The following KALRN variants were observed in gnomAD, a reference collection of about 807,000 sequenced individuals.
KALRN encodes kalirin.
Under a neutral mutation model 353.7 loss-of-function variants are expected in KALRN, and 70 were observed. That is an observed-to-expected ratio of 0.20 (90% CI 0.16 to 0.24). The LOEUF is 0.24. Ranked by LOEUF, KALRN falls within the 10% of genes least tolerant of loss-of-function variation. The pLI, the probability that KALRN is intolerant of heterozygous loss-of-function variation, is 1.00. For missense variants in KALRN, 2,791 were observed against 3,756.7 expected (o/e 0.74, Z 6.72); for synonymous variants, 1,391 against 1,434.8 (o/e 0.97, Z 0.69).
chr3:124,113,555 G>GCC (rs745334233), intron 1 of KALRN, among the ~76,000 whole-genome samples: 2 of 152,218 alleles, frequency 1.3e-5, no homozygotes, highest in Non-Finnish European at 2.9e-5. Context: ...GGCCCTGGGG[G>GCC]AAACTTCAGC....
Position 124,697,863 on chromosome 3 carries a change from T to C in KALRN, c.7831+139T>C. 4 of 853,526 alleles carry C rather than the reference T, an allele frequency of 4.7e-6. No homozygotes were observed. In the South Asian group the frequency reaches 6.4e-5, roughly 14 times the overall value. The allele number at this position is 853,526 out of a possible 1,614,324, so 52.9% of individuals were successfully genotyped here. A position where few individuals can be genotyped will look rare whatever the true frequency, so the allele number is the denominator to read the frequency against. On this transcript the variant is annotated intron_variant, in intron 55 of 59. Coordinates refer to ENST00000682506, the MANE Select transcript of KALRN (RefSeq NM_001388419.1). ...TTTGAATAGAGACAGGCTATTGCTATATTGCCCAGGCTGGTCTCAAACGCC... is the reference window on the plus strand; with the variant it reads ...TTTGAATAGAGACAGGCTATTGCTACATTGCCCAGGCTGGTCTCAAACGCC...
In KALRN at chr3:124,585,094, G is replaced by C. The variant is rs1295305133; in HGVS notation, c.5182+22005G>C. The stretch of plus-strand genomic sequence containing the variant: ...TTTCACAGTTTCCCAGACAGAACGC[G>C]CGCGCTCGCTGGCTGGCGGTGAGGT... On this transcript the variant is annotated intron_variant, in intron 34 of 59. Coordinates refer to ENST00000682506, the MANE Select transcript of KALRN (RefSeq NM_001388419.1). Among the ~76,000 whole-genome samples the C allele has an allele frequency of 3.3e-5, 5 of 152,336 alleles. No homozygotes were observed. In the East Asian group the frequency reaches 9.7e-4, roughly 30 times the overall value.
intron 10 of KALRN, among the ~76,000 whole-genome samples, chr3:124,348,075 A>T (rs1182632359): frequency 6.6e-6 from 1 of 152,088 alleles, no homozygotes. Flanking sequence ...GAAAATTTTC[A>T]TTTTCGAGAT....
chr3:124,648,990 T>C (rs1296172665), intron 37 of KALRN, among the ~76,000 whole-genome samples: 1 of 152,248 alleles, frequency 6.6e-6, no homozygotes, highest in Non-Finnish European at 1.5e-5. Context: ...GATTACTTGT[T>C]CTGTGAATAC....
intron 6 of KALRN, among the ~76,000 whole-genome samples, chr3:124,318,459 C>T (rs1376767887): frequency 3.9e-5 from 6 of 152,062 alleles, no homozygotes; most frequent in East Asian, 3.9e-4. Context: ...CCATATGTTT[C>T]GAGGTGGGAT....
At chr3:124,177,527 A>G (rs1036406019) in intron 1 of KALRN, among the ~76,000 whole-genome samples, 1 of 152,206 alleles carries the variant, frequency 6.6e-6, no homozygotes. Context: ...GCCCTGCAGT[A>G]GTAGTTGGTG....
At chr3:124,264,368 A>G in intron 3 of KALRN, 130 bp from the exon 4 acceptor site, 2 of 729,194 alleles carry the variant, frequency 2.7e-6, no homozygotes, top group Admixed American at 2.8e-5. Flanking sequence ...AAGGTGGCCA[A>G]GAGACCTGGC....
chr3:124,573,430 G>T (rs569984716), intron 34 of KALRN, among the ~76,000 whole-genome samples: 6 of 152,176 alleles, frequency 3.9e-5, no homozygotes, highest in African/African-American at 1.4e-4. Flanking sequence ...TGAGTACAGG[G>T]TGTTTCCAGC....
intron 10 of KALRN, among the ~76,000 whole-genome samples, chr3:124,368,249 C>A (rs1310989708): frequency 2.0e-5 from 3 of 146,860 alleles, no homozygotes; most frequent in Admixed American, 6.6e-5. Flanking sequence ...GCTGACCCCC[C>A]CACCTCCCTC....
chr3:124,546,277 G>A (rs1477303889), intron 33 of KALRN, among the ~76,000 whole-genome samples: 1 of 127,312 alleles, frequency 7.9e-6, no homozygotes, highest in Non-Finnish European at 1.6e-5. Context: ...AACATAGTGA[G>A]ACCCCCATCT....
chr3:124,084,312 T>A (rs1022346813), intron 1 of KALRN, among the ~76,000 whole-genome samples: 1 of 152,194 alleles, frequency 6.6e-6, no homozygotes, highest in Non-Finnish European at 1.5e-5. Context: ...GTGCAGCCCC[T>A]CCCTGTGACA....
rs1486661865 is a variant in KALRN at position 124,269,197 on chromosome 3, G to A, written c.911G>A (p.Arg304His). Residue 304 changes from arginine to histidine, a missense_variant, in exon 5 of 60, where the codon CGC (arginine) becomes CAC (histidine). This residue lies in a region of KALRN where 366 missense variants were observed against 489.2 expected (regional missense o/e 0.75). Coordinates refer to ENST00000682506, the MANE Select transcript of KALRN (RefSeq NM_001388419.1). ...CACCTGCACCAGATGTGGCATGTGC[G>A]CAAGCTCAAGCTGGACCAGTGCTTT... ...RQHLHQMWHV[R>H]KLKLDQCFQL... The A allele has an allele frequency of 2.5e-6, 4 of 1,610,560 alleles. No individual in the cohort carries two copies. Among genetic ancestry groups the A allele is most frequent in the African/African-American group, 2.7e-5 (2 of 74,860 alleles).
intron 1 of KALRN, among the ~76,000 whole-genome samples, chr3:124,209,465 G>C (rs1480822538): frequency 7.1e-6 from 1 of 141,392 alleles, no homozygotes; most frequent in Non-Finnish European, 1.5e-5. Context: ...CTCTAGCCTG[G>C]GCAACAGAGC....
At chr3:124,304,984 C>G (rs978079198) in intron 6 of KALRN, among the ~76,000 whole-genome samples, 3 of 152,142 alleles carry the variant, frequency 2.0e-5, no homozygotes, top group Non-Finnish European at 4.4e-5. Context: ...GCCCCAATCA[C>G]CCTTAGGCAG....
intron 5 of KALRN, among the ~76,000 whole-genome samples, chr3:124,271,120 C>T (rs1191171794): frequency 2.6e-5 from 4 of 152,150 alleles, no homozygotes; most frequent in African/African-American, 7.2e-5. Flanking sequence ...CGTGAGCCAC[C>T]GTGCCCGGCC....
intron 33 of KALRN, among the ~76,000 whole-genome samples, chr3:124,515,111 A>C (rs1314844305): frequency 2.6e-5 from 4 of 152,210 alleles, no homozygotes; most frequent in Admixed American, 6.6e-5. Flanking sequence ...TGGAACGAGA[A>C]AAGGTATAAT....
At chr3:124,286,936 T>G (rs1246562245) in intron 5 of KALRN, among the ~76,000 whole-genome samples, 1 of 152,226 alleles carries the variant, frequency 6.6e-6, no homozygotes, top group Non-Finnish European at 1.5e-5. Context: ...AGGCTCTTGA[T>G]AGTTTATCTT....
chr3:124,125,601 A>T (rs1173600485), intron 1 of KALRN, among the ~76,000 whole-genome samples: 1 of 152,182 alleles, frequency 6.6e-6, no homozygotes, highest in East Asian at 1.9e-4. Flanking sequence ...ACTCTTCCTT[A>T]TTCCTGGACA....
chr3:124,224,375 TAA>T (rs60963834), intron 1 of KALRN, among the ~76,000 whole-genome samples: 8 of 139,698 alleles, frequency 5.7e-5, no homozygotes, highest in African/African-American at 1.6e-4. Flanking sequence ...GCTGAAGAGC[TAA>T]AAAAAAAAAA....
Sources: gnomAD v4.1 joint callset for allele counts (sites outside exome capture counted in the v4.1 genomes callset) on GRCh38, gnomAD v4.1.1 for gene constraint, gnomAD v4.1.1 regional missense constraint, MANE v1.5 for transcripts, NCBI Gene and HGNC (gene_info 2026-07-23, HGNC 2026-07-21) for gene names.